The following DPP6 variants were observed in gnomAD, a reference collection of about 807,000 sequenced individuals.
DPP6 encodes dipeptidyl peptidase like 6.
Under a neutral mutation model 122.6 loss-of-function variants are expected in DPP6, and 69 were observed. That is an observed-to-expected ratio of 0.56 (90% CI 0.46 to 0.69). DPP6 has a LOEUF of 0.69. DPP6 is among the 30% of genes least tolerant of loss of function. The pLI is 0.00. For synonymous variants in DPP6, 418 were observed against 433.1 expected (o/e 0.97, Z 0.43); for missense variants, 928 against 1,116.9 (o/e 0.83, Z 2.41).
intron 1 of DPP6, among the ~76,000 whole-genome samples, chr7:154,382,961 A>G (rs539804722): frequency 7.9e-5 from 12 of 152,344 alleles, no homozygotes; most frequent in Admixed American, 2.0e-4. Context: ...TCCTGACCTC[A>G]GGTAGTCCGC....
At chr7:154,064,852 T>C (rs1455309268) in intron 1 of DPP6, among the ~76,000 whole-genome samples, 1 of 152,192 alleles carries the variant, frequency 6.6e-6, no homozygotes, top group East Asian at 1.9e-4. Context: ...AGTTGTGTTG[T>C]CAGAGCCTGC....
chr7:154,690,742 T>C (rs1839887662), intron 7 of DPP6, among the ~76,000 whole-genome samples: 1 of 152,174 alleles, frequency 6.6e-6, no homozygotes, highest in Non-Finnish European at 1.5e-5. Context: ...CTTATTCTCA[T>C]GTTAGCCTGA....
chr7:153,810,770 A>T, the DPP6 span, among the ~76,000 whole-genome samples: 2 of 150,248 alleles, frequency 1.3e-5, no homozygotes, highest in African/African-American at 4.9e-5. Flanking sequence ...TTGCTAAGAT[A>T]CTCAAGTCTT....
In DPP6 at chr7:154,130,090, CCA is replaced by C. The variant is rs369287058; in HGVS notation, c.243+77036_243+77037del. On this transcript the variant is annotated intron_variant, in intron 1 of 25. Coordinates refer to ENST00000377770, the MANE Select transcript of DPP6 (RefSeq NM_130797.4). Reference sequence around the variant, plus strand: ...GGTGGCAGAGTAAGACTCTGTCCCCCCACACACACAAAAAAAAAAGGAAAGAA... The same window carrying C: ...GGTGGCAGAGTAAGACTCTGTCCCCCCACACACAAAAAAAAAAGGAAAGAA... Among the ~76,000 whole-genome samples, 502 of 150,720 alleles carry C rather than the reference CCA, an allele frequency of 3.3e-3. 7 individuals are homozygous for C. The highest frequency in any genetic ancestry group is 0.012 in the African/African-American group (472 of 40,828).
intron 1 of DPP6, among the ~76,000 whole-genome samples, chr7:154,391,182 G>C (rs1218602251): frequency 6.6e-6 from 1 of 152,160 alleles, no homozygotes; most frequent in Non-Finnish European, 1.5e-5. Flanking sequence ...CCACGCGTGG[G>C]GGCGGTTCTC....
intron 6 of DPP6, among the ~76,000 whole-genome samples, chr7:154,664,845 T>C (rs1690735433): frequency 6.6e-6 from 1 of 152,180 alleles, no homozygotes. Flanking sequence ...CAAAAAAATC[T>C]CCCATATTTC....
chr7:153,786,664 G>A, the DPP6 span, among the ~76,000 whole-genome samples: 21 of 148,244 alleles, frequency 1.4e-4, no homozygotes, highest in South Asian at 1.1e-3. Context: ...GCGTGAACCC[G>A]GGAGGCGGAG....
intron 1 of DPP6, among the ~76,000 whole-genome samples, chr7:154,023,007 C>A (rs1355877789): frequency 6.6e-6 from 1 of 152,058 alleles, no homozygotes; most frequent in Non-Finnish European, 1.5e-5. Context: ...GGAGGAAGAA[C>A]CTTCTACAGC....
At chr7:154,306,027 T>C (rs779753534) in intron 1 of DPP6, among the ~76,000 whole-genome samples, 2 of 152,060 alleles carry the variant, frequency 1.3e-5, no homozygotes, top group African/African-American at 2.4e-5. Context: ...TCAAAGAAAA[T>C]GAGCTTACTG....
chr7:154,286,546 T>C (rs1303379185), intron 1 of DPP6, among the ~76,000 whole-genome samples: 2 of 152,184 alleles, frequency 1.3e-5, no homozygotes, highest in Non-Finnish European at 2.9e-5. Context: ...GGCAAGAGTA[T>C]TTATTGAGAA....
At chr7:153,941,050 A>T (rs1028201974) in intron 1 of DPP6, among the ~76,000 whole-genome samples, 2 of 152,192 alleles carry the variant, frequency 1.3e-5, no homozygotes, top group Non-Finnish European at 2.9e-5. Flanking sequence ...TCAGTTCTAC[A>T]CTGATTTTAT....
the DPP6 span, among the ~76,000 whole-genome samples, chr7:153,873,538 G>C: frequency 2.6e-5 from 4 of 152,108 alleles, no homozygotes; most frequent in African/African-American, 9.7e-5. Context: ...ACATAACTTT[G>C]CAACTTTGGC....
intron 4 of DPP6, among the ~76,000 whole-genome samples, chr7:154,548,295 T>C (rs1829361405): frequency 6.6e-6 from 1 of 151,998 alleles, no homozygotes; most frequent in Non-Finnish European, 1.5e-5. Context: ...CCGGGCGCAG[T>C]GGCTCACGCC....
intron 3 of DPP6, among the ~76,000 whole-genome samples, chr7:154,523,737 C>G (rs10264387): frequency 0.47 from 71,038 of 151,978 alleles, 16,770 homozygotes; most frequent in Middle Eastern, 0.49. Context: ...CTGCATTCCG[C>G]ACTTGACTGA....
At chr7:154,434,448 C>T (rs1818697888) in intron 1 of DPP6, among the ~76,000 whole-genome samples, 1 of 152,142 alleles carries the variant, frequency 6.6e-6, no homozygotes, top group African/African-American at 2.4e-5. Context: ...CCGCTTCACC[C>T]TTCCCTCTCT....
chr7:154,216,352 A>T (rs79691969), intron 1 of DPP6, among the ~76,000 whole-genome samples: 3,698 of 152,326 alleles, frequency 0.024, 155 homozygotes, highest in African/African-American at 0.083. Context: ...AGCACTGGAC[A>T]GTGACCCTTA....
At chr7:154,085,845 A>T (rs2907727) in intron 1 of DPP6, among the ~76,000 whole-genome samples, 1 of 152,160 alleles carries the variant, frequency 6.6e-6, no homozygotes, top group African/African-American at 2.4e-5. Flanking sequence ...CTTCTGCCTC[A>T]GCCTCCCAAG....
At chr7:154,043,092 T>A (rs57127741) in intron 1 of DPP6, among the ~76,000 whole-genome samples, 26,871 of 151,822 alleles carry the variant, frequency 0.18, 3,680 homozygotes, top group African/African-American at 0.38. Context: ...ATCAGTAGAT[T>A]AAAAGTGAGT....
intron 6 of DPP6, among the ~76,000 whole-genome samples, chr7:154,641,734 A>G (rs566607434): frequency 1.3e-5 from 2 of 152,324 alleles, no homozygotes; most frequent in East Asian, 3.9e-4. Context: ...AGACATATGG[A>G]CTTTTTTCTA....
Sources: gnomAD v4.1 joint callset for allele counts (sites outside exome capture counted in the v4.1 genomes callset) on GRCh38, gnomAD v4.1.1 for gene constraint, MANE v1.5 for transcripts, NCBI Gene and HGNC (gene_info 2026-07-23, HGNC 2026-07-21) for gene names.